The following WWOX variants were observed in gnomAD, a reference collection of about 807,000 sequenced individuals.
WWOX encodes WW domain-containing oxidoreductase.
Under a neutral mutation model 46.2 loss-of-function variants are expected in WWOX, and 69 were observed. The ratio of observed to expected loss-of-function variants is 1.49; its 90% CI spans 1.23 to 1.82. WWOX has a LOEUF of 1.82. WWOX is among the 40% of genes most tolerant of loss of function. The probability of loss-of-function intolerance (pLI) is 0.00; values close to 1 mark genes in which losing one functional copy is unlikely to be tolerated. For missense variants in WWOX, 919 were observed against 542.6 expected, an observed-to-expected ratio of 1.69 and a Z score of -6.89; for synonymous variants, 359 against 202.6, an observed-to-expected ratio of 1.77 and a Z score of -6.56.
At chr16:78,494,482 A>G (rs2151465850) in intron 8 of WWOX, among the ~76,000 whole-genome samples, 1 of 62,304 alleles carries the variant, frequency 1.6e-5, no homozygotes, top group Non-Finnish European at 5.5e-5. Context: ...TGATACAAAC[A>G]CAAGCATTAA....
intron 5 of WWOX, among the ~76,000 whole-genome samples, chr16:78,170,986 A>C (rs541398640): frequency 6.6e-6 from 1 of 152,166 alleles, no homozygotes; most frequent in African/African-American, 2.4e-5. Context: ...TATCGGGTCT[A>C]TTTATTTTGT....
rs2080939490 is a variant in WWOX, at chr16:78,338,327, A to G, written c.517-48533A>G. Among the ~76,000 whole-genome samples the G allele has an allele frequency of 2.5e-5, 3 of 121,634 alleles. 1 individual carries two copies. The highest frequency in any genetic ancestry group is 5.9e-5 in the Non-Finnish European group (3 of 50,876). 79.8% of individuals were successfully genotyped at this position (121,634 alleles called of 152,430 possible). A position where few individuals can be genotyped will look rare whatever the true frequency, so the allele number is the denominator to read the frequency against. ...CCCTCATGGATTCCCAGCTGCTGAG[A>G]GTTTGAATAGTATGTGAAGTCTGTA... On this transcript the variant is annotated intron_variant, in intron 5 of 8. Transcript: ENST00000566780.
chr16:78,445,185 T>C (rs538018663), intron 8 of WWOX, among the ~76,000 whole-genome samples: 1 of 152,310 alleles, frequency 6.6e-6, no homozygotes, highest in South Asian at 2.1e-4. Flanking sequence ...GGATTCTTTT[T>C]ATCCAGAAGC....
intron 8 of WWOX, among the ~76,000 whole-genome samples, chr16:79,042,743 T>TC (rs2047996497): frequency 4.0e-5 from 6 of 151,590 alleles, no homozygotes; most frequent in African/African-American, 1.5e-4. Flanking sequence ...TTTTTTTTTT[T>TC]CTTCTAACTT....
Position 78,594,429 on chromosome 16 carries a change from G to GCCCCCCCCCCCCCCC in WWOX, c.1056+161679_1056+161693dup, listed in dbSNP as rs138806967. Among the ~76,000 whole-genome samples, 36 of 32,388 alleles carry GCCCCCCCCCCCCCCC rather than the reference G, an allele frequency of 1.1e-3. 2 individuals carry two copies. Among genetic ancestry groups the GCCCCCCCCCCCCCCC allele is most frequent in the African/African-American group, 2.6e-3 (19 of 7,374 alleles). The allele number at this position is 32,388 out of a possible 152,430, so 21.2% of individuals were successfully genotyped here. On this transcript the variant is annotated intron_variant, in intron 8 of 8. Coordinates refer to ENST00000566780, the MANE Select transcript of WWOX (RefSeq NM_016373.4). ...TCTTGACGAAGAAGACTGAGGAAAG[G>GCCCCCCCCCCCCCCC]CCCCCCCCCCCCCCCCGCCAAATTG...
intron 8 of WWOX, among the ~76,000 whole-genome samples, chr16:78,533,723 A>G (rs141750962): frequency 0.011 from 1,742 of 152,310 alleles, 29 homozygotes; most frequent in Middle Eastern, 0.044. Context: ...AGGTCTGAGC[A>G]GAAATGTTAT....
intron 8 of WWOX, among the ~76,000 whole-genome samples, chr16:78,443,647 G>A (rs1378572058): frequency 6.6e-6 from 1 of 152,106 alleles, no homozygotes; most frequent in Non-Finnish European, 1.5e-5. Flanking sequence ...GCCTTAGTAT[G>A]TGTAACAAAT....
intron 5 of WWOX, among the ~76,000 whole-genome samples, chr16:78,203,330 G>A (rs1162603487): frequency 6.6e-6 from 1 of 152,168 alleles, no homozygotes; most frequent in Non-Finnish European, 1.5e-5. Flanking sequence ...ACTGGTTCAT[G>A]TTCTGGGACA....
At chr16:79,015,787 C>G (rs1451379498) in intron 8 of WWOX, among the ~76,000 whole-genome samples, 1 of 146,494 alleles carries the variant, frequency 6.8e-6, no homozygotes, top group Non-Finnish European at 1.5e-5. Flanking sequence ...GACTGTCGCT[C>G]TGTCGCCAAG....
intron 5 of WWOX, among the ~76,000 whole-genome samples, chr16:78,360,585 C>A (rs145864583): frequency 3.0e-3 from 263 of 86,478 alleles, no homozygotes; most frequent in Middle Eastern, 9.3e-3. Flanking sequence ...GACTCTGTCT[C>A]AAAAAAAAAA....
chr16:78,933,296 G>A (rs1356067531), intron 8 of WWOX, among the ~76,000 whole-genome samples: 1 of 152,142 alleles, frequency 6.6e-6, no homozygotes, highest in Non-Finnish European at 1.5e-5. Flanking sequence ...AAAATTAGCT[G>A]AGCATGGTGT....
In WWOX at chr16:78,805,275, C is replaced by T. The variant is rs575988414; in HGVS notation, c.1056+372523C>T. On this transcript the variant is annotated intron_variant, in intron 8 of 8. Coordinates refer to ENST00000566780, the MANE Select transcript of WWOX (RefSeq NM_016373.4). ...CATATATATGTATATTTTTTAGAGA[C>T]GGAGTCTCACCCTGTCGCCCAGGCT... is the stretch of plus-strand genomic sequence containing the variant. Among the ~76,000 whole-genome samples, 294 of 152,188 alleles carry T rather than the reference C, an allele frequency of 1.9e-3. 1 individual carries two copies. Among genetic ancestry groups the T allele is most frequent in the African/African-American group, 6.6e-3 (273 of 41,528 alleles).
chr16:78,609,204 T>C (rs1369539058), intron 8 of WWOX, among the ~76,000 whole-genome samples: 1 of 152,248 alleles, frequency 6.6e-6, no homozygotes, highest in Admixed American at 6.5e-5. Context: ...GAAGTGTTGA[T>C]AGATATCATT....
intron 8 of WWOX, among the ~76,000 whole-genome samples, chr16:79,063,797 T>C (rs992884814): frequency 5.3e-5 from 8 of 152,186 alleles, no homozygotes; most frequent in Non-Finnish European, 1.0e-4. Flanking sequence ...CAAACATCCA[T>C]TTCTGTGGGA....
intron 8 of WWOX, among the ~76,000 whole-genome samples, chr16:79,141,216 C>G (rs2050082801): frequency 6.6e-6 from 1 of 152,192 alleles, no homozygotes; most frequent in Admixed American, 6.5e-5. Context: ...CTACCTATGA[C>G]CTGGAAGCCC....
At chr16:78,896,537 TA>T (rs1250453191) in intron 8 of WWOX, 3 of 152,154 alleles carry the variant, frequency 2.0e-5, no homozygotes, top group African/African-American at 4.8e-5. Context: ...GTCACATAGC[TA>T]ATGAGAAGCA....
At chr16:78,480,488 A>G (rs538643434) in intron 8 of WWOX, among the ~76,000 whole-genome samples, 14 of 152,268 alleles carry the variant, frequency 9.2e-5, no homozygotes, top group Admixed American at 2.6e-4. Flanking sequence ...ATTCTTTGAA[A>G]TAGGACTATT....
chr16:78,564,904 T>C (rs1224535405), intron 8 of WWOX, among the ~76,000 whole-genome samples: 1 of 152,228 alleles, frequency 6.6e-6, no homozygotes, highest in Admixed American at 6.5e-5. Context: ...CTAGTTTTTA[T>C]ATGCAGTTTG....
At chr16:78,552,295 C>T (rs1049762951) in intron 8 of WWOX, 3 of 152,222 alleles carry the variant, frequency 2.0e-5, no homozygotes, top group African/African-American at 7.2e-5. Context: ...CATCTGCTTC[C>T]ATACGGGGTG....
Sources: gnomAD v4.1 joint callset for allele counts (sites outside exome capture counted in the v4.1 genomes callset) on GRCh38, gnomAD v4.1.1 for gene constraint, MANE v1.5 for transcripts, NCBI Gene and HGNC (gene_info 2026-07-23, HGNC 2026-07-21) for gene names.